Variants in ECHDC1 observed in about 807,000 individuals in gnomAD.
ECHDC1 encodes the protein ethylmalonyl-CoA decarboxylase 1, also known as ethylmalonyl-CoA decarboxylase.
Under a neutral mutation model 29.7 loss-of-function variants are expected in ECHDC1, and 29 were observed. That is an observed-to-expected ratio of 0.98 (90% CI 0.73 to 1.33). The LOEUF (loss-of-function observed/expected upper bound fraction) is 1.33, where lower values mean the gene tolerates loss of function less well. Ranked by LOEUF, ECHDC1 falls within the 40% of genes most tolerant of loss-of-function variation. The pLI is 0.00. For missense variants in ECHDC1, 328 were observed against 350.0 expected, an observed-to-expected ratio of 0.94 and a Z score of 0.50; for synonymous variants, 126 against 123.1, an observed-to-expected ratio of 1.02 and a Z score of -0.15.
intron 1 of ECHDC1, among the ~76,000 whole-genome samples, chr6:127,333,539 G>C (rs1009567930): frequency 1.3e-4 from 19 of 151,844 alleles, no homozygotes; most frequent in Non-Finnish European, 2.6e-4. Context: ...TGTTGGGTTG[G>C]TGTGCTGCGG....
intron 3 of ECHDC1, among the ~76,000 whole-genome samples, chr6:127,322,682 A>G (rs947299736): frequency 6.6e-6 from 1 of 151,794 alleles, no homozygotes; most frequent in Non-Finnish European, 1.5e-5. Context: ...ATATAAAACA[A>G]TAAGCATGTT....
At position 127,337,433 on chromosome 6, in the gene ECHDC1, G is replaced by A. The variant is rs189327676; in HGVS notation, c.-3+5903C>T. On this transcript the variant is annotated intron_variant, in intron 1 of 5. Coordinates refer to ENST00000454859, the MANE Select transcript of ECHDC1 (RefSeq NM_001002030.2). ...CCTTTCTATGGATCCCAGGTCTTTAGACAAACTCAACCAAATGTCAACCAG... is the reference window on the plus strand; with the variant it reads ...CCTTTCTATGGATCCCAGGTCTTTAAACAAACTCAACCAAATGTCAACCAG... 3.5e-4 allele frequency among the ~76,000 whole-genome samples: 54 copies of A among 152,226 alleles called. 1 individual carries two copies. In the East Asian group the frequency reaches 9.5e-3, roughly 27 times the overall value.
intron 1 of ECHDC1, among the ~76,000 whole-genome samples, chr6:127,332,503 C>T (rs1433744686): frequency 1.3e-5 from 2 of 151,260 alleles, no homozygotes; most frequent in African/African-American, 4.9e-5. Context: ...GGACATCAAT[C>T]AATATGTGTA....
chr6:127,333,035 C>T (rs1313079522), intron 1 of ECHDC1, among the ~76,000 whole-genome samples: 1 of 152,198 alleles, frequency 6.6e-6, no homozygotes, highest in Non-Finnish European at 1.5e-5. Context: ...TCAAGTGATC[C>T]ACCCACCTTG....
At chr6:127,292,193 A>G (rs1356879708) in intron 5 of ECHDC1, among the ~76,000 whole-genome samples, 3 of 152,088 alleles carry the variant, frequency 2.0e-5, no homozygotes, top group Non-Finnish European at 4.4e-5. Flanking sequence ...CCAGGAATAG[A>G]TTCATTTAGA....
chr6:127,304,433 C>T (rs187221047), intron 5 of ECHDC1, among the ~76,000 whole-genome samples: 12 of 152,254 alleles, frequency 7.9e-5, no homozygotes, highest in Non-Finnish European at 1.2e-4. Context: ...AGGACCACTA[C>T]GAACAAGCTC....
chr6:127,325,971 CATATT>C (rs1783292204), intron 3 of ECHDC1, among the ~76,000 whole-genome samples: 1 of 152,092 alleles, frequency 6.6e-6, no homozygotes. Context: ...CCAAAGCACT[CATATT>C]ATAGGTGTGA....
At chr6:127,332,910 A>G (rs1405634147) in intron 1 of ECHDC1, among the ~76,000 whole-genome samples, 1 of 152,144 alleles carries the variant, frequency 6.6e-6, no homozygotes, top group African/African-American at 2.4e-5. Context: ...CTCGTGCCTA[A>G]GCCTCCCGAG....
intron 1 of ECHDC1, among the ~76,000 whole-genome samples, chr6:127,340,234 G>C (rs1189189355): frequency 6.6e-6 from 1 of 152,182 alleles, no homozygotes; most frequent in African/African-American, 2.4e-5. Context: ...TGTGAGTTAA[G>C]GATAACCTGA....
chr6:127,305,337 A>C (rs112766530), intron 5 of ECHDC1, among the ~76,000 whole-genome samples: 1,537 of 152,310 alleles, frequency 0.01, 27 homozygotes, highest in African/African-American at 0.035. Flanking sequence ...AAATACCTTC[A>C]AACATGAAAG....
chr6:127,327,230 T>C (rs144900661), intron 2 of ECHDC1, 86 bp from the exon 3 acceptor site: 3 of 1,408,416 alleles, frequency 2.1e-6, no homozygotes, highest in East Asian at 2.3e-5. Flanking sequence ...GTGTCAAGCA[T>C]ACTCTTAGGT....
At chr6:127,314,939 A>C in intron 4 of ECHDC1, 43 bp from the exon 5 acceptor site, 1 of 1,538,180 alleles carries the variant, frequency 6.5e-7, no homozygotes, top group Non-Finnish European at 9.0e-7. Flanking sequence ...TTTTAATTTC[A>C]ATATTCATTT....
intron 4 of ECHDC1, chr6:127,316,099 G>T (rs1262871635): frequency 1.3e-5 from 6 of 472,870 alleles, no homozygotes; most frequent in South Asian, 9.3e-5. Context: ...GGAATATTAG[G>T]TAAACTTTAT....
chr6:127,340,183 A>G (rs538694489), intron 1 of ECHDC1, among the ~76,000 whole-genome samples: 1 of 152,320 alleles, frequency 6.6e-6, no homozygotes, highest in South Asian at 2.1e-4. Context: ...TATTCTTCCT[A>G]CTTTAACTAT....
At chr6:127,316,541 CA>C (rs1782396643) in intron 3 of ECHDC1, 39 bp from the exon 4 acceptor site, 10 of 1,503,954 alleles carry the variant, frequency 6.6e-6, no homozygotes, top group Non-Finnish European at 9.0e-6. Context: ...AGGTATAATG[CA>C]AATATATTAC....
At chr6:127,328,012 C>T (rs1198346908) in intron 2 of ECHDC1, among the ~76,000 whole-genome samples, 1 of 152,218 alleles carries the variant, frequency 6.6e-6, no homozygotes, top group Non-Finnish European at 1.5e-5. Flanking sequence ...CGGGTTAAAA[C>T]TGGCAAAAAA....
At chr6:127,319,865 A>T (rs929956441) in intron 3 of ECHDC1, among the ~76,000 whole-genome samples, 1 of 152,242 alleles carries the variant, frequency 6.6e-6, no homozygotes, top group Admixed American at 6.5e-5. Flanking sequence ...AAAAGGAATG[A>T]TTAACATCAT....
intron 5 of ECHDC1, chr6:127,313,562 G>A (rs141971214): frequency 1.0e-3 from 477 of 456,008 alleles, no homozygotes; most frequent in Non-Finnish European, 1.8e-3. Context: ...ACATGCCAGC[G>A]CAGAATCACT....
chr6:127,339,074 T>C (rs1414604082), intron 1 of ECHDC1, among the ~76,000 whole-genome samples: 1 of 152,098 alleles, frequency 6.6e-6, no homozygotes, highest in Admixed American at 6.5e-5. Flanking sequence ...CAGGAATTCC[T>C]TCCAATCTCC....
Sources: gnomAD v4.1 joint callset for allele counts (sites outside exome capture counted in the v4.1 genomes callset) on GRCh38, gnomAD v4.1.1 for gene constraint, MANE v1.5 for transcripts, NCBI Gene and HGNC (gene_info 2026-07-23, HGNC 2026-07-21) for gene names.